The following GRIA4 variants were observed in gnomAD, a reference collection of about 807,000 sequenced individuals.
GRIA4 encodes the protein glutamate ionotropic receptor AMPA type subunit 4.
In GRIA4, 34 loss-of-function variants were observed where a neutral mutation model predicts 104.0. The observed-to-expected ratio is 0.33, with a 90% CI of 0.25 to 0.44. The LOEUF is 0.44. GRIA4 is among the 20% of genes least tolerant of loss of function. GRIA4 has a pLI of 1.00. For missense variants in GRIA4, 750 were observed against 1,096.5 expected (o/e 0.68, Z 4.46); for synonymous variants, 386 against 381.9 (o/e 1.01, Z -0.13).
chr11:105,862,004 ACT>A lies in GRIA4; in HGVS notation c.488-19_488-18del. The A allele has an allele frequency of 6.6e-7, 1 of 1,522,978 alleles. No homozygotes were observed. Among genetic ancestry groups the A allele is most frequent in the Admixed American group, 1.8e-5 (1 of 56,366 alleles). 94.3% of individuals were successfully genotyped at this position (1,522,978 alleles called of 1,614,324 possible). A position where few individuals can be genotyped will look rare whatever the true frequency, so the allele number is the denominator to read the frequency against. ...GGGGAGTAAAAGCATGTTTTTAGTA[ACT>A]TTTTTTTTCCCCAATAGGATACTCG... On this transcript the variant is annotated intron_variant, in intron 4 of 16. Coordinates refer to ENST00000282499, the MANE Select transcript of GRIA4 (RefSeq NM_000829.4).
At chr11:105,928,408 G>A (rs1947778618) in intron 13 of GRIA4, among the ~76,000 whole-genome samples, 1 of 151,844 alleles carries the variant, frequency 6.6e-6, no homozygotes, top group Non-Finnish European at 1.5e-5. Flanking sequence ...ATAGTCTATG[G>A]ATAAACTTGA....
intron 3 of GRIA4, among the ~76,000 whole-genome samples, chr11:105,676,365 A>G (rs868078803): frequency 1.3e-5 from 2 of 151,762 alleles, no homozygotes; most frequent in Non-Finnish European, 3.0e-5. Flanking sequence ...TGTATTAGAG[A>G]AAACAGAGGA....
At chr11:105,642,983 C>T (rs1951414594) in intron 3 of GRIA4, among the ~76,000 whole-genome samples, 1 of 152,112 alleles carries the variant, frequency 6.6e-6, no homozygotes, top group South Asian at 2.1e-4. Flanking sequence ...ACACAACCTT[C>T]TTCACATGGC....
At chr11:105,809,449 T>C (rs1349894842) in intron 4 of GRIA4, among the ~76,000 whole-genome samples, 2 of 152,172 alleles carry the variant, frequency 1.3e-5, no homozygotes, top group African/African-American at 4.8e-5. Context: ...CTAATATGGT[T>C]TGGCTCTGTG....
chr11:105,888,271 C>CATTTT (rs1555038827), intron 6 of GRIA4, among the ~76,000 whole-genome samples: 1 of 54,560 alleles, frequency 1.8e-5, no homozygotes, highest in African/African-American at 8.0e-5. Flanking sequence ...ATGTTTTCTC[C>CATTTT]TTTTTTTTTT....
intron 3 of GRIA4, among the ~76,000 whole-genome samples, chr11:105,662,001 G>GTT (rs1952026242): frequency 1.9e-5 from 1 of 52,180 alleles, no homozygotes; most frequent in African/African-American, 7.1e-5. Context: ...CTGTGTGTGT[G>GTT]TGTGTTTGTG....
At position 105,908,046 on chromosome 11, in the gene GRIA4, C is replaced by G. The variant is rs557070464; in HGVS notation, c.1159-2389C>G. Among the ~76,000 whole-genome samples the G allele has an allele frequency of 1.1e-3, 172 of 152,200 alleles. 1 individual carries two copies. The highest frequency in any genetic ancestry group is 2.0e-3 in the Non-Finnish European group (134 of 68,010). On this transcript the variant is annotated intron_variant, in intron 9 of 16. Transcript: ENST00000282499. Reference sequence around the variant, plus strand: ...GGGAATTAGGTCAGATTTTTCAGGGCAGGTCTGATCAAAGCAGCTCTCCAA... The same window carrying G: ...GGGAATTAGGTCAGATTTTTCAGGGGAGGTCTGATCAAAGCAGCTCTCCAA...
intron 5 of GRIA4, among the ~76,000 whole-genome samples, chr11:105,885,735 T>C (rs747886413): frequency 1.1e-4 from 16 of 152,258 alleles, no homozygotes; most frequent in Non-Finnish European, 1.8e-4. Flanking sequence ...GGAAAATATC[T>C]TCCTTGAGAA....
intron 13 of GRIA4, among the ~76,000 whole-genome samples, chr11:105,927,859 G>A (rs1947759303): frequency 6.6e-6 from 1 of 151,848 alleles, no homozygotes; most frequent in Admixed American, 6.6e-5. Flanking sequence ...AGGTAAAAAC[G>A]AACACATTTT....
At chr11:105,963,873 ATAAGT>A (rs1430269714) in intron 14 of GRIA4, among the ~76,000 whole-genome samples, 1 of 152,166 alleles carries the variant, frequency 6.6e-6, no homozygotes, top group Non-Finnish European at 1.5e-5. Context: ...CTCTCATGAA[ATAAGT>A]TTAGTTTTAT....
intron 8 of GRIA4, among the ~76,000 whole-genome samples, chr11:105,904,595 T>A (rs1341446318): frequency 6.6e-6 from 1 of 152,172 alleles, no homozygotes; most frequent in Non-Finnish European, 1.5e-5. Flanking sequence ...TTTATTTTAG[T>A]CTTTTATAAT....
chr11:105,974,487 A>C (rs1303184328), intron 16 of GRIA4, 43 bp downstream of exon 16: 1 of 1,613,864 alleles, frequency 6.2e-7, no homozygotes, highest in Non-Finnish European at 8.5e-7. Context: ...TTCCTCGCAG[A>C]ATACCCAGAA....
chr11:105,883,726 G>A (rs898308731), intron 5 of GRIA4, among the ~76,000 whole-genome samples: 4 of 152,066 alleles, frequency 2.6e-5, no homozygotes, highest in Non-Finnish European at 5.9e-5. Context: ...GAATAGTGCT[G>A]CAATAAACAT....
Position 105,828,418 on chromosome 11 carries a change from T to TAA in GRIA4, c.488-33605_488-33604insAA, listed in dbSNP as rs150625501. ...GGCACATTAACCATCACTACCCCTGTATGTGGTATGTATCCAGATAATTTC... is the reference window on the plus strand; with the variant it reads ...GGCACATTAACCATCACTACCCCTGTAAATGTGGTATGTATCCAGATAATTTC... On this transcript the variant is annotated intron_variant, in intron 4 of 16. Transcript: ENST00000282499. 5.5e-4 allele frequency among the ~76,000 whole-genome samples: 83 copies of TAA among 152,080 alleles called. 1 individual carries two copies. In the East Asian group the frequency reaches 0.014, roughly 25 times the overall value.
chr11:105,661,968 A>C (rs2135413164), intron 3 of GRIA4, among the ~76,000 whole-genome samples: 1 of 150,726 alleles, frequency 6.6e-6, no homozygotes, highest in Middle Eastern at 3.4e-3. Context: ...AAGTTGGATT[A>C]ATAAGACCTT....
intron 3 of GRIA4, among the ~76,000 whole-genome samples, chr11:105,635,038 A>T (rs925508469): frequency 3.9e-5 from 6 of 152,202 alleles, no homozygotes; most frequent in East Asian, 3.8e-4. Context: ...TTCCAAAACG[A>T]GGCACTAATA....
chr11:105,821,095 C>T (rs1943560564), intron 4 of GRIA4, among the ~76,000 whole-genome samples: 1 of 152,068 alleles, frequency 6.6e-6, no homozygotes, highest in Non-Finnish European at 1.5e-5. Context: ...AATGTTTAGA[C>T]ATCCAAAACT....
chr11:105,866,199 A>G (rs971283875), intron 5 of GRIA4, among the ~76,000 whole-genome samples: 1 of 152,188 alleles, frequency 6.6e-6, no homozygotes, highest in African/African-American at 2.4e-5. Flanking sequence ...CTCACTTTAA[A>G]TAAGGACAGT....
chr11:105,630,263 G>A lies in GRIA4; in HGVS notation c.247+17829G>A, dbSNP rs574787119. 1.2e-4 allele frequency among the ~76,000 whole-genome samples: 18 copies of A among 152,246 alleles called. No homozygotes were observed. In the South Asian group the frequency reaches 3.5e-3, roughly 30 times the overall value. ...ATGGCTCAATGCCTGGCTTATAATA[G>A]CATTAAATTAACACCCACTAGGCCA... is the stretch of plus-strand genomic sequence containing the variant. On this transcript the variant is annotated intron_variant, in intron 3 of 16. Coordinates refer to ENST00000282499, the MANE Select transcript of GRIA4 (RefSeq NM_000829.4).
Sources: allele counts gnomAD v4.1 joint callset (sites outside exome capture counted in the v4.1 genomes callset), GRCh38; gene constraint gnomAD v4.1.1; transcripts MANE v1.5; gene names NCBI Gene and HGNC (gene_info 2026-07-23, HGNC 2026-07-21).